The following KANSL2 variants were observed in gnomAD, a reference collection of about 807,000 sequenced individuals.
The protein encoded by KANSL2 is KAT8 regulatory NSL complex subunit 2, also known as NSL complex protein NSL2.
In KANSL2, 34 loss-of-function variants were observed where a neutral mutation model predicts 55.6. The ratio of observed to expected loss-of-function variants is 0.61; its 90% confidence interval spans 0.46 to 0.81. KANSL2 has a LOEUF of 0.81. KANSL2 is among the 40% of genes least tolerant of loss of function. The pLI is 0.00. For synonymous variants in KANSL2, 209 were observed against 214.3 expected (o/e 0.98, Z 0.22); for missense variants, 502 against 609.9 (o/e 0.82, Z 1.86).
At chr12:48,681,941 C>T in intron 1 of KANSL2, 1 of 703,052 alleles carries the variant, frequency 1.4e-6, no homozygotes, top group Non-Finnish European at 2.6e-6. Flanking sequence ...GCCACGCCGC[C>T]TCCCCGCACG....
intron 8 of KANSL2, among the ~76,000 whole-genome samples, chr12:48,655,917 C>A (rs1390416449): frequency 2.0e-5 from 3 of 152,120 alleles, no homozygotes; most frequent in African/African-American, 7.2e-5. Flanking sequence ...TACTTACACA[C>A]ATACATACAT....
chr12:48,671,979 T>A lies in KANSL2; in HGVS notation c.546-17A>T, dbSNP rs753434585. 2.6e-6 allele frequency: 4 copies of A among 1,545,232 alleles called. No homozygotes were observed. The Admixed American group carries it at 8.4e-5, about 32-fold the overall frequency. On this transcript the variant is annotated splice_polypyrimidine_tract_variant and intron_variant, in intron 4 of 9. Coordinates refer to ENST00000420613, the MANE Select transcript of KANSL2 (RefSeq NM_017822.4). The stretch of plus-strand genomic sequence containing the variant: ...CCAGCATGTCTGGAATAAAACAGAA[T>A]TCAGCAAAGCATAAGAAAACAATAA...
Position 48,682,225 on chromosome 12 carries a change from C to A in KANSL2, c.-48G>T, listed in dbSNP as rs763885555. 3.0e-5 allele frequency: 19 copies of A among 641,606 alleles called. No homozygotes were observed. The highest frequency in any genetic ancestry group is 4.8e-5 in the Admixed American group (2 of 41,370). 39.7% of individuals were successfully genotyped at this position (641,606 alleles called of 1,614,324 possible). ...CTGCGCCGCACTCTGCCGCGCCGCT[C>A]GCCCTTCTCTAGTGGCGCCAGCGGC... On this transcript the variant is annotated 5_prime_UTR_variant, in exon 1 of 10. Transcript: ENST00000420613.
chr12:48,673,769 G>A, intron 4 of KANSL2, among the ~76,000 whole-genome samples: 1 of 151,832 alleles, frequency 6.6e-6, no homozygotes, highest in Admixed American at 6.6e-5. Flanking sequence ...GCTGTAACAT[G>A]ATAAAACCCT....
intron 5 of KANSL2, among the ~76,000 whole-genome samples, chr12:48,670,195 T>TCA (rs1491294418): frequency 3.1e-5 from 3 of 98,082 alleles, no homozygotes; most frequent in Non-Finnish European, 5.8e-5. Flanking sequence ...TGAGACTATA[T>TCA]CACAAAAAAA....
In KANSL2 at chr12:48,654,950, C is replaced by T. The variant is rs188565949; in HGVS notation, c.1338G>A (p.Val446=). The T allele has an allele frequency of 2.6e-6, 4 of 1,566,792 alleles. No individual in the cohort carries two copies. The South Asian group carries it at 3.5e-5, about 14-fold the overall frequency. Reference sequence around the variant, plus strand: ...ACTGTTCTTCACTTGCCAAAATATCCACTGGGTCTTCAGCAATTTCTTTGA... The same window carrying T: ...ACTGTTCTTCACTTGCCAAAATATCTACTGGGTCTTCAGCAATTTCTTTGA... ...HLVKEIAEDP[V]DILGQMQMAG... Residue 446 remains valine (V), a synonymous_variant, in exon 9 of 10, where the codon GTG becomes GTA. Transcript: ENST00000420613.
intron 8 of KANSL2, among the ~76,000 whole-genome samples, chr12:48,659,572 A>T (rs1425112535): frequency 6.6e-6 from 1 of 151,888 alleles, no homozygotes; most frequent in Non-Finnish European, 1.5e-5. Context: ...GCACGGAGCC[A>T]TGATCATGCC....
chr12:48,655,880 G>GC (rs1939370328), intron 8 of KANSL2, among the ~76,000 whole-genome samples: 1 of 152,160 alleles, frequency 6.6e-6, no homozygotes, highest in Non-Finnish European at 1.5e-5. Flanking sequence ...GGGTGACACA[G>GC]CAAGACTCCA....
At position 48,655,036 on chromosome 12, in the gene KANSL2, T is replaced by C. The variant is rs769739543; in HGVS notation, c.1252A>G (p.Met418Val). Residue 418 changes from methionine (M) to valine (V), a missense_variant, in exon 9 of 10, where the codon ATG becomes GTG. Transcript: ENST00000420613. The stretch of plus-strand genomic sequence containing the variant: ...AGCAAAGGTGAAGGAGGACACTGCA[T>C]ACCATCACCCACAACATCCAAGTCC... ...SDDLDVVGDGMQCPPSPLLFD... is the reference protein window; with the variant it reads ...SDDLDVVGDGVQCPPSPLLFD... 2 of 1,583,172 alleles carry C rather than the reference T, an allele frequency of 1.3e-6. No individual in the cohort carries two copies. The highest frequency in any genetic ancestry group is 1.8e-5 in the Admixed American group (1 of 54,814).
intron 8 of KANSL2, chr12:48,656,502 C>T (rs1055022777): frequency 2.2e-5 from 7 of 313,498 alleles, no homozygotes; most frequent in Non-Finnish European, 3.7e-5. Context: ...CTTGATCTCC[C>T]GACCAGTGAT....
At chr12:48,662,664 G>C in intron 7 of KANSL2, 1 of 1,285,936 alleles carries the variant, frequency 7.8e-7, no homozygotes, top group Non-Finnish European at 1.0e-6. Context: ...TCTGGGATAA[G>C]GACTTAAGGA....
At chr12:48,670,545 ATTTTT>A (rs1032822461) in intron 5 of KANSL2, among the ~76,000 whole-genome samples, 2 of 151,760 alleles carry the variant, frequency 1.3e-5, no homozygotes, top group East Asian at 3.9e-4. Flanking sequence ...GTTTAAAAGG[ATTTTT>A]TTTTAATTAA....
chr12:48,671,348 T>A (rs1039179455), intron 5 of KANSL2, among the ~76,000 whole-genome samples: 3 of 152,166 alleles, frequency 2.0e-5, no homozygotes, highest in African/African-American at 2.4e-5. Flanking sequence ...AAACTTTTTT[T>A]ATAAATTTAG....
At chr12:48,667,635 T>C (rs755460579) in intron 7 of KANSL2, 58 bp downstream of exon 7, 5 of 1,309,510 alleles carry the variant, frequency 3.8e-6, no homozygotes, top group South Asian at 2.4e-5. Flanking sequence ...AGCACAGAGA[T>C]TCCCACTAGT....
At position 48,661,216 on chromosome 12, in the gene KANSL2, G is replaced by A. The variant is rs1939481126; in HGVS notation, c.974-597C>T. ...ATGCCTTTTTTTTTTAGGGGAGTGTGCTAGTACAGAGGAATCCTTTTATGA... is the reference window on the plus strand; with the variant it reads ...ATGCCTTTTTTTTTTAGGGGAGTGTACTAGTACAGAGGAATCCTTTTATGA... On this transcript the variant is annotated intron_variant, in intron 7 of 9. Coordinates refer to ENST00000420613, the MANE Select transcript of KANSL2 (RefSeq NM_017822.4). 4 of 971,190 alleles carry A rather than the reference G, an allele frequency of 4.1e-6. No homozygotes were observed. The South Asian group carries it at 1.4e-4, about 35-fold the overall frequency. 60.2% of individuals were successfully genotyped at this position (971,190 alleles called of 1,614,324 possible). A position where few individuals can be genotyped will look rare whatever the true frequency, so the allele number is the denominator to read the frequency against.
intron 5 of KANSL2, 113 bp downstream of exon 5, chr12:48,671,686 G>A (rs1706302678): frequency 6.9e-6 from 8 of 1,166,568 alleles, no homozygotes; most frequent in East Asian, 2.4e-5. Flanking sequence ...AAGTTTGAAT[G>A]ACAAAAATCA....
At chr12:48,680,363 T>C (rs1324638794) in intron 2 of KANSL2, among the ~76,000 whole-genome samples, 3 of 152,070 alleles carry the variant, frequency 2.0e-5, no homozygotes, top group African/African-American at 7.2e-5. Flanking sequence ...AGCGAGTTTT[T>C]TAATCTTCTG....
chr12:48,666,564 G>A (rs1024148478), intron 7 of KANSL2, among the ~76,000 whole-genome samples: 18 of 151,322 alleles, frequency 1.2e-4, no homozygotes, highest in Non-Finnish European at 5.9e-5. Context: ...GTGGTGGCAC[G>A]TGCCTGTAAT....
chr12:48,681,927 G>A (rs766103886), intron 1 of KANSL2: 2 of 703,242 alleles, frequency 2.8e-6, no homozygotes, highest in South Asian at 3.0e-5. Context: ...AGCCCCACGC[G>A]GCGGCCACGC....
Sources: gnomAD v4.1 joint callset for allele counts (sites outside exome capture counted in the v4.1 genomes callset) on GRCh38, gnomAD v4.1.1 for gene constraint, MANE v1.5 for transcripts, NCBI Gene and HGNC (gene_info 2026-07-23, HGNC 2026-07-21) for gene names.